Variants in PALLD observed in about 807,000 individuals in gnomAD.
The protein encoded by PALLD is palladin, cytoskeletal associated protein.
In PALLD, 61 loss-of-function variants were observed where a neutral mutation model predicts 123.5. The observed-to-expected ratio is 0.49, with a 90% CI of 0.40 to 0.61. The LOEUF (loss-of-function observed/expected upper bound fraction) is 0.61. Among genes scored for constraint, PALLD ranks in the 20% least tolerant of loss-of-function variants. PALLD has a pLI of 0.00. For missense variants in PALLD, 1,273 were observed against 1,377.0 expected (o/e 0.92, Z 1.20); for synonymous variants, 465 against 496.4 (o/e 0.94, Z 0.84).
At chr4:168,616,736 C>G (rs1236645370) in intron 2 of PALLD, among the ~76,000 whole-genome samples, 2 of 152,180 alleles carry the variant, frequency 1.3e-5, no homozygotes, top group Non-Finnish European at 2.9e-5. Context: ...GCATCTCTAA[C>G]AGTGGCTCCA....
intron 10 of PALLD, among the ~76,000 whole-genome samples, chr4:168,729,151 C>T (rs1283939965): frequency 6.6e-6 from 1 of 152,104 alleles, no homozygotes; most frequent in African/African-American, 2.4e-5. Flanking sequence ...TCTTTTTAGT[C>T]AGAACAAAGG....
intron 2 of PALLD, among the ~76,000 whole-genome samples, chr4:168,636,012 A>G (rs769800787): frequency 1.3e-5 from 2 of 152,240 alleles, no homozygotes; most frequent in African/African-American, 2.4e-5. Context: ...AAAGCACTGT[A>G]TTACATTTGA....
chr4:168,755,493 A>G (rs1731716431), intron 10 of PALLD, among the ~76,000 whole-genome samples: 1 of 152,074 alleles, frequency 6.6e-6, no homozygotes, highest in Non-Finnish European at 1.5e-5. Context: ...TACATAGGGC[A>G]TGATGGGGAA....
chr4:168,794,502 A>G (rs895826882), intron 10 of PALLD, among the ~76,000 whole-genome samples: 15 of 136,060 alleles, frequency 1.1e-4, no homozygotes, highest in East Asian at 4.7e-4. Context: ...ACGCACACAC[A>G]CACGCACACA....
intron 10 of PALLD, among the ~76,000 whole-genome samples, chr4:168,726,173 T>G (rs1184815980): frequency 2.0e-5 from 3 of 152,212 alleles, no homozygotes; most frequent in Admixed American, 6.5e-5. Context: ...TAATTAAGAC[T>G]TCCTGATACT....
intron 10 of PALLD, among the ~76,000 whole-genome samples, chr4:168,785,160 G>C (rs1452586947): frequency 2.9e-5 from 4 of 136,002 alleles, no homozygotes; most frequent in Non-Finnish European, 3.0e-5. Context: ...AATTTAAGCT[G>C]TTAGTATGGA....
At chr4:168,922,100 T>TACACACAC (rs1257662371) in intron 18 of PALLD, among the ~76,000 whole-genome samples, 2 of 96,646 alleles carry the variant, frequency 2.1e-5, no homozygotes, top group Admixed American at 1.2e-4. Flanking sequence ...TATATATATA[T>TACACACAC]ATACACACAC....
intron 10 of PALLD, among the ~76,000 whole-genome samples, chr4:168,730,134 C>T (rs1008164956): frequency 6.6e-6 from 1 of 152,138 alleles, no homozygotes; most frequent in Non-Finnish European, 1.5e-5. Flanking sequence ...TCCCTGTTCT[C>T]TCTTTGTGAA....
At chr4:168,537,532 TAAG>T (rs1765209468) in intron 2 of PALLD, 1 of 152,222 alleles carries the variant, frequency 6.6e-6, no homozygotes, top group Non-Finnish European at 1.5e-5. Context: ...AAATTTCAAT[TAAG>T]AAATCTTATA....
intron 3 of PALLD, among the ~76,000 whole-genome samples, chr4:168,680,232 C>T (rs571300451): frequency 1.6e-4 from 24 of 151,798 alleles, no homozygotes; most frequent in South Asian, 1.2e-3. Flanking sequence ...AATCCCAGCA[C>T]TTTGGGAGGC....
At chr4:168,670,721 C>A in intron 3 of PALLD, among the ~76,000 whole-genome samples, 1 of 123,290 alleles carries the variant, frequency 8.1e-6, no homozygotes, top group Admixed American at 1.0e-4. Context: ...GCCTGGGCGA[C>A]AGAGCGAGAC....
chr4:168,575,033 G>C (rs1769404703), intron 2 of PALLD, among the ~76,000 whole-genome samples: 2 of 152,110 alleles, frequency 1.3e-5, no homozygotes, highest in Non-Finnish European at 2.9e-5. Context: ...CCTTTGAGAT[G>C]CTAGTTAATG....
At chr4:168,907,742 T>G (rs1485417172) in intron 15 of PALLD, among the ~76,000 whole-genome samples, 1 of 152,006 alleles carries the variant, frequency 6.6e-6, no homozygotes, top group African/African-American at 2.4e-5. Flanking sequence ...GACAAAGCAA[T>G]GAGAAGTGGA....
chr4:168,832,386 G>A (rs1371639936), intron 10 of PALLD, among the ~76,000 whole-genome samples: 4 of 151,862 alleles, frequency 2.6e-5, no homozygotes, highest in African/African-American at 9.7e-5. Flanking sequence ...CCCTGAAAGC[G>A]GAGCTCCAGA....
intron 2 of PALLD, among the ~76,000 whole-genome samples, chr4:168,539,596 TAAATAAATAAATAA>T (rs1186865046): frequency 1.3e-5 from 2 of 150,204 alleles, no homozygotes; most frequent in Non-Finnish European, 3.0e-5. Flanking sequence ...AATAAATAAA[TAAATAAATAAATAA>T]ATAAAGATGC....
intron 10 of PALLD, among the ~76,000 whole-genome samples, chr4:168,854,284 CAAT>C (rs1201090967): frequency 6.6e-5 from 10 of 152,090 alleles, no homozygotes; most frequent in African/African-American, 2.4e-4. Flanking sequence ...GAGAAAAAGA[CAAT>C]AAACAAGCAG....
chr4:168,865,289 C>G (rs1390460437), intron 10 of PALLD, among the ~76,000 whole-genome samples: 1 of 152,242 alleles, frequency 6.6e-6, no homozygotes, highest in Non-Finnish European at 1.5e-5. Flanking sequence ...TGCTGCTAGG[C>G]TGCATCTCTT....
At chr4:168,880,813 G>A (rs1752507741) in intron 10 of PALLD, among the ~76,000 whole-genome samples, 1 of 152,200 alleles carries the variant, frequency 6.6e-6, no homozygotes. Context: ...TTGATTATAT[G>A]TAACACAATG....
rs1298095064 is a variant in PALLD at position 168,898,641 on chromosome 4, T to C, written c.2399T>C (p.Leu800Pro). ...NGMAPFFEMK[L>P]KHYKIFEGMP... ...ATGGCACCATTCTTTGAGATGAAGC[T>C]GAAACATTACAAGATCTTTGAGGGA... is the stretch of plus-strand genomic sequence containing the variant. Residue 800 changes from leucine (L) to proline (P), a missense_variant, in exon 14 of 22, where the codon CTG (leucine) becomes CCG (proline). By Grantham distance (98) the Leu-to-Pro change is moderately conservative. Coordinates refer to ENST00000505667, the MANE Select transcript of PALLD (RefSeq NM_001166108.2). 6.2e-7 allele frequency: 1 copy of C among 1,614,140 alleles called. No homozygotes were observed.
Sources: gnomAD v4.1 joint callset for allele counts (sites outside exome capture counted in the v4.1 genomes callset) on GRCh38, gnomAD v4.1.1 for gene constraint, MANE v1.5 for transcripts, NCBI Gene and HGNC (gene_info 2026-07-23, HGNC 2026-07-21) for gene names.